FBXO36: variants seen among roughly 807,000 people sequenced by gnomAD.
FBXO36 encodes the protein F-box protein 36, also known as F-box only protein 36.
FBXO36 carries 18 observed loss-of-function variants against 17.0 expected under a neutral mutation model. That is an observed-to-expected ratio of 1.06 (90% CI 0.73 to 1.57). The LOEUF is 1.57. Ranked by LOEUF, FBXO36 falls within the 40% of genes most tolerant of loss-of-function variation. FBXO36 has a pLI of 0.00. For missense variants in FBXO36, 229 were observed against 221.9 expected, an observed-to-expected ratio of 1.03 and a Z score of -0.20; for synonymous variants, 83 against 85.3, an observed-to-expected ratio of 0.97 and a Z score of 0.15.
intron 2 of FBXO36, among the ~76,000 whole-genome samples, chr2:229,982,786 A>G (rs984252748): frequency 6.6e-6 from 1 of 151,432 alleles, no homozygotes; most frequent in African/African-American, 2.4e-5. Context: ...CTCAAAAAAA[A>G]AAAAAAAAAA....
chr2:229,939,337 C>T (rs1475990545), intron 1 of FBXO36: 2 of 844,778 alleles, frequency 2.4e-6, no homozygotes, highest in African/African-American at 1.8e-5. Context: ...AAGGTCCTCT[C>T]GTCCCAAGAT....
intron 2 of FBXO36, among the ~76,000 whole-genome samples, chr2:229,985,433 C>T (rs2077263396): frequency 6.6e-6 from 1 of 152,110 alleles, no homozygotes; most frequent in Non-Finnish European, 1.5e-5. Context: ...ACTTATACGT[C>T]AGCCTTTAAC....
intron 1 of FBXO36, among the ~76,000 whole-genome samples, chr2:229,950,001 C>T (rs2077048918): frequency 6.6e-6 from 1 of 152,192 alleles, no homozygotes; most frequent in African/African-American, 2.4e-5. Flanking sequence ...AGAAATTTTA[C>T]ATTAACTTGT....
intron 3 of FBXO36, among the ~76,000 whole-genome samples, chr2:230,002,198 C>T (rs2106214684): frequency 6.6e-6 from 1 of 152,094 alleles, no homozygotes; most frequent in South Asian, 2.1e-4. Context: ...TCTTACATAA[C>T]CATGGTACAT....
In FBXO36 at chr2:229,926,748, A is replaced by G. The variant is rs75555992; in HGVS notation, c.96+4139A>G. ...CCCCATCTCAAAAACAAAAAAAAAA[A>G]TACTGTTATTCTTACTCTAGCTCTA... On this transcript the variant is annotated intron_variant, in intron 1 of 3. Transcript: ENST00000283946. Among the ~76,000 whole-genome samples, 4 of 152,044 alleles carry G rather than the reference A, an allele frequency of 2.6e-5. No homozygotes were observed. The East Asian group carries it at 7.7e-4, about 29-fold the overall frequency.
chr2:229,955,231 A>G (rs2077080821), intron 1 of FBXO36, among the ~76,000 whole-genome samples: 1 of 151,790 alleles, frequency 6.6e-6, no homozygotes, highest in African/African-American at 2.4e-5. Context: ...TCTTCACAGC[A>G]TTTTTCAGTA....
chr2:229,925,001 A>G (rs1438704202), intron 1 of FBXO36, among the ~76,000 whole-genome samples: 1 of 152,040 alleles, frequency 6.6e-6, no homozygotes, highest in Non-Finnish European at 1.5e-5. Flanking sequence ...ATCTCCTGGC[A>G]TTACAGGCGT....
intron 1 of FBXO36, among the ~76,000 whole-genome samples, chr2:229,967,952 G>A (rs1311108689): frequency 6.6e-6 from 1 of 152,034 alleles, no homozygotes; most frequent in East Asian, 1.9e-4. Context: ...AGAAGGAATG[G>A]TACCAGCTCC....
chr2:229,925,730 C>A (rs1292553750), intron 1 of FBXO36, among the ~76,000 whole-genome samples: 2 of 152,110 alleles, frequency 1.3e-5, no homozygotes, highest in East Asian at 3.8e-4. Context: ...TAGTGTCATA[C>A]CACCACTGAC....
chr2:229,998,797 A>G (rs1004814254), intron 3 of FBXO36, among the ~76,000 whole-genome samples: 4 of 150,350 alleles, frequency 2.7e-5, no homozygotes, highest in Admixed American at 2.0e-4. Context: ...CTCAAAAAAC[A>G]TAATTTTTTT....
chr2:229,983,250 T>C (rs1457522534), intron 2 of FBXO36, among the ~76,000 whole-genome samples: 1 of 151,796 alleles, frequency 6.6e-6, no homozygotes, highest in Admixed American at 6.6e-5. Context: ...TGGCTTATGC[T>C]TGTAATCCAA....
At chr2:230,004,511 C>G (rs1000309613) in intron 3 of FBXO36, among the ~76,000 whole-genome samples, 1 of 152,146 alleles carries the variant, frequency 6.6e-6, no homozygotes, top group African/African-American at 2.4e-5. Flanking sequence ...TCCTCTGATT[C>G]TCATCTCTAG....
At chr2:229,999,609 C>T (rs2077347589) in intron 3 of FBXO36, among the ~76,000 whole-genome samples, 3 of 150,912 alleles carry the variant, frequency 2.0e-5, no homozygotes, top group African/African-American at 7.3e-5. Context: ...AACTCCTGGG[C>T]TCAAATGATC....
rs1553808842 is a variant in FBXO36, at chr2:229,978,126, AT to A, written c.205+1786del. On this transcript the variant is annotated intron_variant, in intron 2 of 3. Transcript: ENST00000283946. ...AAACAAAACAAAAACCAAAAAAAAA[AT>A]TTTTTTTTAAATTAGCTAGGTGTGG... 2.3e-3 allele frequency among the ~76,000 whole-genome samples: 348 copies of A among 151,644 alleles called. 3 individuals are homozygous for A. Among genetic ancestry groups the A allele is most frequent in the African/African-American group, 8.1e-3 (333 of 41,338 alleles).
chr2:229,939,050 T>C (rs1473055187), intron 1 of FBXO36: 1 of 143,428 alleles, frequency 7.0e-6, no homozygotes, highest in Non-Finnish European at 1.4e-5. Flanking sequence ...TTTTTTGGTT[T>C]GTTTTTTGTT....
intron 1 of FBXO36, among the ~76,000 whole-genome samples, chr2:229,935,007 A>C (rs1405929299): frequency 2.0e-5 from 3 of 152,188 alleles, no homozygotes; most frequent in Non-Finnish European, 2.9e-5. Context: ...TCCTCTTTAG[A>C]AATATTTTAA....
At position 229,979,712 on chromosome 2, in the gene FBXO36, G is replaced by A. The variant is rs141140257; in HGVS notation, c.205+3363G>A. Among the ~76,000 whole-genome samples, 760 of 150,932 alleles carry A rather than the reference G, an allele frequency of 5.0e-3. 9 individuals carry two copies. The highest frequency in any genetic ancestry group is 0.018 in the African/African-American group (726 of 41,002). ...GGAGAATCACTTGAACCCGGGAGGC[G>A]GAGTTAAAAAAAAAAAAAGTCTGCT... On this transcript the variant is annotated intron_variant, in intron 2 of 3. Coordinates refer to ENST00000283946, the MANE Select transcript of FBXO36 (RefSeq NM_174899.5).
At chr2:230,000,002 T>C (rs764771494) in intron 3 of FBXO36, among the ~76,000 whole-genome samples, 11 of 152,140 alleles carry the variant, frequency 7.2e-5, no homozygotes, top group Non-Finnish European at 1.3e-4. Flanking sequence ...TACTATTGTA[T>C]ATATTTTTGC....
At chr2:229,938,755 C>CTTT (rs57331069) in intron 1 of FBXO36, among the ~76,000 whole-genome samples, 4 of 111,306 alleles carry the variant, frequency 3.6e-5, no homozygotes, top group Admixed American at 9.9e-5. Context: ...CCCAAAAAAC[C>CTTT]TTTTTTTTTT....
Sources: allele counts gnomAD v4.1 joint callset (sites outside exome capture counted in the v4.1 genomes callset), GRCh38; gene constraint gnomAD v4.1.1; transcripts MANE v1.5; gene names NCBI Gene and HGNC (gene_info 2026-07-23, HGNC 2026-07-21).